CCDC30: variants seen among roughly 807,000 people sequenced by gnomAD.
CCDC30 encodes coiled-coil domain containing 30.
Under a neutral mutation model 100.2 loss-of-function variants are expected in CCDC30, and 70 were observed. That is an observed-to-expected ratio of 0.70 (90% confidence interval 0.58 to 0.85). The LOEUF (loss-of-function observed/expected upper bound fraction) is 0.85, where lower values mean the gene tolerates loss of function less well. Ranked by LOEUF, CCDC30 falls within the 40% of genes least tolerant of loss-of-function variation. CCDC30 has a pLI of 0.00. For synonymous variants in CCDC30, 233 were observed against 269.5 expected, an observed-to-expected ratio of 0.86 and a Z score of 1.33; for missense variants, 652 against 771.2, an observed-to-expected ratio of 0.85 and a Z score of 1.83.
intron 11 of CCDC30, among the ~76,000 whole-genome samples, chr1:42,620,255 G>A (rs1358552998): frequency 1.3e-5 from 2 of 152,184 alleles, no homozygotes; most frequent in Non-Finnish European, 2.9e-5. Flanking sequence ...TAGGGGAAGA[G>A]AGAGAGGAGT....
At chr1:42,486,000 G>A (rs1203776852) in intron 3 of CCDC30, among the ~76,000 whole-genome samples, 2 of 152,174 alleles carry the variant, frequency 1.3e-5, no homozygotes. Flanking sequence ...CTGTTGGTAA[G>A]GATGTGGAAA....
the CCDC30 span, chr1:42,456,799 C>T: frequency 6.2e-7 from 1 of 1,613,266 alleles, no homozygotes; most frequent in South Asian, 1.1e-5. Context: ...CCGCCGGCTA[C>T]GGGGTCCTGT....
chr1:42,473,382 C>G, intron 1 of CCDC30: 2 of 825,668 alleles, frequency 2.4e-6, no homozygotes, highest in Non-Finnish European at 3.2e-6. Context: ...ATATTAAAAA[C>G]TAATGTTTGG....
intron 6 of CCDC30, among the ~76,000 whole-genome samples, chr1:42,555,756 G>C (rs189381578): frequency 2.1e-4 from 32 of 152,204 alleles, no homozygotes; most frequent in African/African-American, 7.5e-4. Flanking sequence ...GCACAGTCTT[G>C]ACTCACTGCA....
At chr1:42,501,235 A>AT (rs75643156) in intron 6 of CCDC30, among the ~76,000 whole-genome samples, 30,474 of 152,088 alleles carry the variant, frequency 0.2, 3,335 homozygotes, top group South Asian at 0.42. Context: ...AGGTTCATTC[A>AT]TTTTTAGTGT....
At chr1:42,641,855 AAAAAC>A (rs959012645) in intron 12 of CCDC30, among the ~76,000 whole-genome samples, 1 of 152,126 alleles carries the variant, frequency 6.6e-6, no homozygotes, top group Non-Finnish European at 1.5e-5. Flanking sequence ...ACTCCATGTC[AAAAAC>A]AAAACAAAAC....
chr1:42,529,570 C>A (rs1385613143), intron 6 of CCDC30: 1 of 152,158 alleles, frequency 6.6e-6, no homozygotes, highest in East Asian at 1.9e-4. Context: ...AAAGATTTTG[C>A]CTTCCAAGTT....
At chr1:42,469,057 G>A (rs191099393) in intron 1 of CCDC30, among the ~76,000 whole-genome samples, 1 of 151,718 alleles carries the variant, frequency 6.6e-6, no homozygotes, top group East Asian at 1.9e-4. Flanking sequence ...GAGTGAAGAC[G>A]TACAGCAAAG....
chr1:42,503,159 T>C (rs1644346425), intron 6 of CCDC30, among the ~76,000 whole-genome samples: 1 of 152,196 alleles, frequency 6.6e-6, no homozygotes, highest in Non-Finnish European at 1.5e-5. Context: ...GCTGGGATTA[T>C]AGACATGAGC....
intron 9 of CCDC30, among the ~76,000 whole-genome samples, chr1:42,584,750 A>C (rs1038035448): frequency 6.6e-6 from 1 of 152,246 alleles, no homozygotes; most frequent in Non-Finnish European, 1.5e-5. Flanking sequence ...AAGTGGCAAG[A>C]AAATGAGGCT....
intron 6 of CCDC30, among the ~76,000 whole-genome samples, chr1:42,502,716 C>T (rs933261603): frequency 6.6e-6 from 1 of 152,220 alleles, no homozygotes; most frequent in Non-Finnish European, 1.5e-5. Context: ...CCCCCAGCCT[C>T]TGGCAACCAC....
At chr1:42,509,206 C>T (rs923406632) in intron 6 of CCDC30, among the ~76,000 whole-genome samples, 1 of 152,192 alleles carries the variant, frequency 6.6e-6, no homozygotes, top group African/African-American at 2.4e-5. Flanking sequence ...TTCCCCATCC[C>T]TAGACATAGG....
intron 6 of CCDC30, chr1:42,500,116 G>A: frequency 2.5e-6 from 3 of 1,199,736 alleles, no homozygotes; most frequent in Non-Finnish European, 3.7e-6. Context: ...CAACCTCTTT[G>A]CATCTTACAA....
In CCDC30 at chr1:42,498,891, CTG is replaced by C. The variant is rs1644266704; in HGVS notation, c.434_435del (p.Val145GlyfsTer3). The stretch of plus-strand genomic sequence containing the variant: ...CTTGGAAACCACTCCCCTGGAAAAA[CTG>C]TGGGTGGTGAACAGAGAGAACAGGT... On this transcript the variant is annotated frameshift_variant, in exon 6 of 17. Transcript: ENST00000668663. LOFTEE classifies it high-confidence loss of function. 34 of 1,233,754 alleles carry C rather than the reference CTG, an allele frequency of 2.8e-5. No individual in the cohort carries two copies. The highest frequency in any genetic ancestry group is 4.1e-4 in the Middle Eastern group (2 of 4,834). 76.4% of individuals were successfully genotyped at this position (1,233,754 alleles called of 1,614,324 possible). A position where few individuals can be genotyped will look rare whatever the true frequency, so the allele number is the denominator to read the frequency against.
At chr1:42,601,979 T>C (rs563678463) in intron 10 of CCDC30, among the ~76,000 whole-genome samples, 2 of 152,242 alleles carry the variant, frequency 1.3e-5, no homozygotes, top group Admixed American at 6.5e-5. Context: ...TCAACAAATA[T>C]ATTGAAAATT....
chr1:42,486,211 G>A (rs960871989), intron 3 of CCDC30, among the ~76,000 whole-genome samples: 20 of 152,186 alleles, frequency 1.3e-4, no homozygotes, highest in African/African-American at 4.6e-4. Flanking sequence ...CCAAGAGTTA[G>A]AAACAACCCA....
intron 2 of CCDC30, among the ~76,000 whole-genome samples, chr1:42,481,603 C>T (rs1259148644): frequency 6.7e-6 from 1 of 148,188 alleles, no homozygotes; most frequent in Non-Finnish European, 1.5e-5. Flanking sequence ...AAAAAAATCA[C>T]CTTGGGACTA....
intron 3 of CCDC30, among the ~76,000 whole-genome samples, chr1:42,483,797 C>T (rs1644003250): frequency 6.6e-6 from 1 of 151,482 alleles, no homozygotes; most frequent in Non-Finnish European, 1.5e-5. Context: ...GTTTTTTTAC[C>T]ATAAATGCTA....
rs1487079918 is a variant in CCDC30, at chr1:42,630,422, GC to G, written c.1278-6812del. Among the ~76,000 whole-genome samples the G allele has an allele frequency of 4.2e-5, 6 of 143,220 alleles. No individual in the cohort carries two copies. The Admixed American group carries it at 4.3e-4, about 10-fold the overall frequency. The allele number at this position is 143,220 out of a possible 152,430, so 94.0% of individuals were successfully genotyped here. ...TTTTCAGATGGAGTCTCGCTCTGTT[GC>G]CCAGGTTGGAGTGCAATGGCATGAA... On this transcript the variant is annotated intron_variant, in intron 11 of 16. Coordinates refer to ENST00000668663, the Ensembl canonical transcript of CCDC30.
Sources: gnomAD v4.1 joint callset for allele counts (sites outside exome capture counted in the v4.1 genomes callset) on GRCh38, gnomAD v4.1.1 for gene constraint, MANE v1.5 for transcripts, NCBI Gene and HGNC (gene_info 2026-07-23, HGNC 2026-07-21) for gene names.